CDHR3: variants seen among roughly 807,000 people sequenced by gnomAD.
CDHR3 encodes cadherin related family member 3.
A neutral mutation model predicts 86.6 loss-of-function variants in CDHR3; 79 were observed. The observed-to-expected ratio is 0.91, with a 90% CI of 0.76 to 1.10. The LOEUF is 1.10. Among genes scored for constraint, CDHR3 ranks in the 50% least tolerant of loss-of-function variants. The pLI is 0.00. For synonymous variants in CDHR3, 421 were observed against 402.4 expected (o/e 1.05, Z -0.55); for missense variants, 1,081 against 1,077.6 (o/e 1.00, Z -0.04).
chr7:106,004,732 T>C (rs1156433056), intron 8 of CDHR3, 45 bp downstream of exon 8: 1 of 1,584,078 alleles, frequency 6.3e-7, no homozygotes, highest in South Asian at 1.1e-5. Flanking sequence ...ATCTCTTTGG[T>C]GGCCCTCTGC....
chr7:105,984,080 C>A, intron 3 of CDHR3, 112 bp from the exon 4 acceptor site: 1 of 518,894 alleles, frequency 1.9e-6, no homozygotes, highest in Non-Finnish European at 3.4e-6. Context: ...TTCTTGGTCC[C>A]ACGATGCCAA....
chr7:106,002,368 G>A (rs1833322382), intron 7 of CDHR3, among the ~76,000 whole-genome samples: 1 of 152,208 alleles, frequency 6.6e-6, no homozygotes, highest in Admixed American at 6.5e-5. Context: ...GAGTAATTAT[G>A]GAGAAGTATG....
Position 105,981,061 on chromosome 7 carries a change from G to A in CDHR3, c.343G>A (p.Asp115Asn). The change falls in exon 3 of 19, where the codon GAC becomes AAC. Residue 115 changes from aspartate (D) to asparagine (N), a missense_variant. Transcript: ENST00000317716. The stretch of plus-strand genomic sequence containing the variant: ...TGTGAAGGATGAGGTTGGTGTCACA[G>A]ACCTGCAAGTCCTGACTGTCCAGGT... Reference protein sequence around the residue: ...IYVKDEVGVTDLQVLTVQVTD... With the variant: ...IYVKDEVGVTNLQVLTVQVTD... 1 of 1,613,444 alleles carries A rather than the reference G, an allele frequency of 6.2e-7. No individual in the cohort carries two copies. Among genetic ancestry groups the A allele is most frequent in the Non-Finnish European group, 8.5e-7 (1 of 1,179,698 alleles).
intron 4 of CDHR3, among the ~76,000 whole-genome samples, chr7:105,987,332 C>T (rs111847056): frequency 2.0e-5 from 3 of 152,282 alleles, no homozygotes; most frequent in African/African-American, 7.2e-5. Flanking sequence ...ATATTTAACA[C>T]CTGTGCTGGA....
intron 10 of CDHR3, 60 bp from the exon 11 acceptor site, chr7:106,015,867 G>C: frequency 8.2e-7 from 1 of 1,221,684 alleles, no homozygotes; most frequent in Non-Finnish European, 1.2e-6. Context: ...TAAAGATGTT[G>C]AATAAACAAA....
intron 4 of CDHR3, among the ~76,000 whole-genome samples, chr7:105,985,981 C>T (rs1349828933): frequency 1.3e-5 from 2 of 152,178 alleles, no homozygotes; most frequent in Non-Finnish European, 2.9e-5. Context: ...TTTTTCTAAC[C>T]AGAGCTTGTT....
In CDHR3 at chr7:106,022,183, T is replaced by A. The variant is rs1321578302; in HGVS notation, c.1826-15T>A. On this transcript the variant is annotated splice_polypyrimidine_tract_variant and intron_variant, in intron 13 of 18. Coordinates refer to ENST00000317716, the MANE Select transcript of CDHR3 (RefSeq NM_152750.5). ...TCTTCCTTTTACCAACACCCCTGCATCAAATCTCATTTAGGTAACGTCAAC... is the reference window on the plus strand; with the variant it reads ...TCTTCCTTTTACCAACACCCCTGCAACAAATCTCATTTAGGTAACGTCAAC... The A allele has an allele frequency of 1.9e-6, 3 of 1,613,590 alleles. No individual in the cohort carries two copies. Among genetic ancestry groups the A allele is most frequent in the Non-Finnish European group, 1.7e-6 (2 of 1,179,524 alleles).
At chr7:105,975,956 C>T (rs544009775) in intron 2 of CDHR3, among the ~76,000 whole-genome samples, 172 of 152,306 alleles carry the variant, frequency 1.1e-3, no homozygotes, top group African/African-American at 3.9e-3. Context: ...TATTGGGGCC[C>T]TGTAGCAGAC....
chr7:105,964,851 A>G (rs1036597547), intron 1 of CDHR3, among the ~76,000 whole-genome samples: 1 of 152,170 alleles, frequency 6.6e-6, no homozygotes, highest in Non-Finnish European at 1.5e-5. Flanking sequence ...GGGCAGGATG[A>G]CCTGTGAATG....
At chr7:105,973,057 T>C (rs1337298385) in intron 1 of CDHR3, among the ~76,000 whole-genome samples, 1 of 152,188 alleles carries the variant, frequency 6.6e-6, no homozygotes. Context: ...GGACAGAACC[T>C]TCTACTGTCC....
chr7:105,982,514 A>T (rs986521552), intron 3 of CDHR3, among the ~76,000 whole-genome samples: 7 of 149,892 alleles, frequency 4.7e-5, no homozygotes, highest in Admixed American at 6.6e-5. Context: ...TAAATCTGGC[A>T]AGCTGCCTAC....
intron 12 of CDHR3, among the ~76,000 whole-genome samples, chr7:106,018,464 G>A (rs1585801431): frequency 6.6e-6 from 1 of 152,134 alleles, no homozygotes; most frequent in African/African-American, 2.4e-5. Flanking sequence ...TCGAACTCCT[G>A]ACCTCAAGTA....
At chr7:105,998,543 G>A (rs964398693) in intron 6 of CDHR3, among the ~76,000 whole-genome samples, 13 of 152,276 alleles carry the variant, frequency 8.5e-5, no homozygotes, top group Non-Finnish European at 4.4e-5. Flanking sequence ...TGTAATCCCA[G>A]CACTTTGGGA....
intron 6 of CDHR3, among the ~76,000 whole-genome samples, chr7:105,998,119 A>T (rs1585672561): frequency 6.6e-6 from 1 of 152,242 alleles, no homozygotes; most frequent in East Asian, 1.9e-4. Flanking sequence ...ATTTGAAAGG[A>T]TTTGCTTGGT....
intron 1 of CDHR3, among the ~76,000 whole-genome samples, chr7:105,965,567 A>ACCCCCCCCCCCCC (rs56177648): frequency 1.3e-5 from 1 of 78,266 alleles, no homozygotes; most frequent in Non-Finnish European, 2.7e-5. Context: ...CTCAAGCCCC[A>ACCCCCCCCCCCCC]CCCCCCCCCA....
At chr7:105,976,034 C>T (rs962692183) in intron 2 of CDHR3, among the ~76,000 whole-genome samples, 5 of 152,126 alleles carry the variant, frequency 3.3e-5, no homozygotes, top group Admixed American at 6.5e-5. Flanking sequence ...GGGGAGCCCT[C>T]GGGGAGGTAA....
At chr7:105,973,278 G>A (rs1412184199) in intron 1 of CDHR3, among the ~76,000 whole-genome samples, 4 of 152,144 alleles carry the variant, frequency 2.6e-5, no homozygotes, top group Non-Finnish European at 5.9e-5. Flanking sequence ...GTGAAATACA[G>A]GATTTTACAT....
chr7:105,967,938 G>A (rs1827242977), intron 1 of CDHR3, among the ~76,000 whole-genome samples: 1 of 152,160 alleles, frequency 6.6e-6, no homozygotes. Context: ...TTCTTTTGCT[G>A]TGCAGAAGCT....
chr7:106,031,153 G>A (rs1362534884), intron 18 of CDHR3, among the ~76,000 whole-genome samples: 1 of 152,208 alleles, frequency 6.6e-6, no homozygotes, highest in Non-Finnish European at 1.5e-5. Flanking sequence ...GAGGGAACTG[G>A]TGAATCCAGG....
Sources: gnomAD v4.1 joint callset for allele counts (sites outside exome capture counted in the v4.1 genomes callset) on GRCh38, gnomAD v4.1.1 for gene constraint, MANE v1.5 for transcripts, NCBI Gene and HGNC (gene_info 2026-07-23, HGNC 2026-07-21) for gene names.